Variants in KIF13A observed in about 807,000 individuals in gnomAD.
The protein encoded by KIF13A is kinesin-like protein KIF13A.
Under a neutral mutation model 212.2 loss-of-function variants are expected in KIF13A, and 79 were observed. The observed-to-expected ratio is 0.37, with a 90% CI of 0.31 to 0.45. The LOEUF (loss-of-function observed/expected upper bound fraction) is 0.45. Among genes scored for constraint, KIF13A ranks in the 20% least tolerant of loss-of-function variants. The pLI is 1.00. For missense variants in KIF13A, 1,901 were observed against 2,209.0 expected (o/e 0.86, Z 2.79); for synonymous variants, 789 against 808.6 (o/e 0.98, Z 0.41).
intron 2 of KIF13A, among the ~76,000 whole-genome samples, chr6:17,969,490 AT>A (rs1779616886): frequency 6.6e-6 from 1 of 152,200 alleles, no homozygotes; most frequent in African/African-American, 2.4e-5. Context: ...GTCGTAAATG[AT>A]TTCTGAGGAA....
intron 2 of KIF13A, among the ~76,000 whole-genome samples, chr6:17,966,915 A>G (rs1225068965): frequency 1.3e-5 from 2 of 152,194 alleles, no homozygotes; most frequent in Non-Finnish European, 2.9e-5. Flanking sequence ...CGTGCCCAAA[A>G]TCACCCAGCT....
Position 17,982,601 on chromosome 6 carries a change from G to A in KIF13A, c.146+4453C>T, listed in dbSNP as rs886647548. On this transcript the variant is annotated intron_variant, in intron 2 of 38. Coordinates refer to ENST00000259711, the MANE Select transcript of KIF13A (RefSeq NM_022113.6). The surrounding 1 kb of genome is among the most constrained non-coding windows in gnomAD (Gnocchi z 5.1). ...AAACTTTCATGCTCTTCTACCGAGA[G>A]CCCATATTTAGCCCAACATTTTATT... is the stretch of plus-strand genomic sequence containing the variant. Among the ~76,000 whole-genome samples, 2 of 152,232 alleles carry A rather than the reference G, an allele frequency of 1.3e-5. No individual in the cohort carries two copies. Among genetic ancestry groups the A allele is most frequent in the East Asian group, 3.9e-4 (2 of 5,188 alleles).
At chr6:17,973,184 T>C (rs777112337) in intron 2 of KIF13A, among the ~76,000 whole-genome samples, 1 of 152,236 alleles carries the variant, frequency 6.6e-6, no homozygotes, top group East Asian at 1.9e-4. Flanking sequence ...CCCACACATA[T>C]ATACACTTGT....
In KIF13A at chr6:17,864,794, A is replaced by G. The variant is rs112029901; in HGVS notation, c.220+8583T>C. ...TTATAGTCATTGTACCCAGCCTGAC[A>G]GAGATCTTTGAAAAGCTAACACCCT... is the stretch of plus-strand genomic sequence containing the variant. On this transcript the variant is annotated intron_variant, in intron 4 of 38. Transcript: ENST00000259711. Among the ~76,000 whole-genome samples the G allele has an allele frequency of 1.5e-4, 23 of 152,326 alleles. 1 individual carries two copies. The highest frequency in any genetic ancestry group is 3.4e-3 in the Middle Eastern group (1 of 294).
intron 2 of KIF13A, among the ~76,000 whole-genome samples, chr6:17,941,145 C>A (rs1236114173): frequency 6.6e-6 from 1 of 152,158 alleles, no homozygotes; most frequent in Non-Finnish European, 1.5e-5. Flanking sequence ...AATTCTAAAT[C>A]ATCAAAGAAG....
chr6:17,859,851 G>A (rs889194895), intron 4 of KIF13A, among the ~76,000 whole-genome samples: 1 of 151,770 alleles, frequency 6.6e-6, no homozygotes, highest in African/African-American at 2.4e-5. Flanking sequence ...TGGCCAGGCT[G>A]GTCTCGAACT....
At chr6:17,937,932 A>G (rs1776621213) in intron 2 of KIF13A, among the ~76,000 whole-genome samples, 1 of 152,064 alleles carries the variant, frequency 6.6e-6, no homozygotes, top group South Asian at 2.1e-4. Flanking sequence ...TATTTTTAGT[A>G]GAGATGAAGT....
In KIF13A at chr6:17,898,192, GA is replaced by G. The variant is rs538977848; in HGVS notation, c.147-13del. Reference sequence around the variant, plus strand: ...CCTTGGGAGGTTTCCTTAATGATGGGAAAAAAAAAATTCAGCAGCAGGGATA... The same window carrying G: ...CCTTGGGAGGTTTCCTTAATGATGGGAAAAAAAAATTCAGCAGCAGGGATA... On this transcript the variant is annotated splice_polypyrimidine_tract_variant and intron_variant, in intron 2 of 38. Transcript: ENST00000259711. This position sits in a 1 kb window ranked among gnomAD's most constrained non-coding sequence, Gnocchi z 5.2. 8.3e-4 allele frequency: 1,270 copies of G among 1,531,036 alleles called. 1 individual carries two copies. The highest frequency in any genetic ancestry group is 4.1e-3 in the South Asian group (342 of 84,288). The allele number at this position is 1,531,036 out of a possible 1,614,324, so 94.8% of individuals were successfully genotyped here.
chr6:17,805,370 C>CGTGTGTGT (rs59526903), intron 19 of KIF13A, 105 bp downstream of exon 19: 21,867 of 732,318 alleles, frequency 0.03, 233 homozygotes, highest in East Asian at 0.065. Context: ...AGCACATCTC[C>CGTGTGTGT]GTGTGTGTGT....
intron 4 of KIF13A, among the ~76,000 whole-genome samples, chr6:17,867,750 G>C (rs1299319210): frequency 6.6e-6 from 1 of 152,186 alleles, no homozygotes; most frequent in Non-Finnish European, 1.5e-5. Context: ...TAATATTGTA[G>C]AACTCAGCTA....
chr6:17,919,234 TAACATCACAA>T lies in KIF13A; in HGVS notation c.147-21064_147-21055del, dbSNP rs1434289897. ...CGAATGGAATGTGAACAGCATCACA[TAACATCACAA>T]AACATCACAGCACATCACAAAACAG... is the stretch of plus-strand genomic sequence containing the variant. On this transcript the variant is annotated intron_variant, in intron 2 of 38. Coordinates refer to ENST00000259711, the MANE Select transcript of KIF13A (RefSeq NM_022113.6). The surrounding 1 kb of genome is among the most constrained non-coding windows in gnomAD (Gnocchi z 4.1). Among the ~76,000 whole-genome samples the T allele has an allele frequency of 1.3e-5, 2 of 152,164 alleles. No homozygotes were observed. Among genetic ancestry groups the T allele is most frequent in the African/African-American group, 4.8e-5 (2 of 41,442 alleles).
chr6:17,891,709 T>C (rs114763268), intron 3 of KIF13A, among the ~76,000 whole-genome samples: 1,710 of 152,164 alleles, frequency 0.011, 38 homozygotes, highest in African/African-American at 0.039. Context: ...AGTTTGACGA[T>C]GCAGTGAGCT....
chr6:17,793,440 C>T (rs913778417), intron 25 of KIF13A, among the ~76,000 whole-genome samples: 1 of 151,880 alleles, frequency 6.6e-6, no homozygotes, highest in African/African-American at 2.4e-5. Flanking sequence ...ACTGATAATA[C>T]GATCAATTCT....
intron 12 of KIF13A, among the ~76,000 whole-genome samples, chr6:17,832,946 G>A (rs1327759520): frequency 4.7e-5 from 7 of 148,792 alleles, no homozygotes; most frequent in East Asian, 2.0e-4. Flanking sequence ...CCCAGGAGGC[G>A]GAGGTTGCAG....
At chr6:17,761,663 G>A (rs1405084646), downstream of KIF13A, among the ~76,000 whole-genome samples, 1 of 152,104 alleles carries the variant, frequency 6.6e-6, no homozygotes, top group African/African-American at 2.4e-5. Context: ...GATTACAGGT[G>A]TGAGCCACTG....
At position 17,785,385 on chromosome 6, in the gene KIF13A, TG is replaced by T; in HGVS notation, c.3488+129del. ...AAGGGATGGAAGCATTAGAGATGAG[TG>T]GACATTCCCTAAGTAGTTCAGCTGG... On this transcript the variant is annotated intron_variant, in intron 28 of 38. Transcript: ENST00000259711. The surrounding 1 kb of genome is among the most constrained non-coding windows in gnomAD (Gnocchi z 5.8). 1 of 1,027,926 alleles carries T rather than the reference TG, an allele frequency of 9.7e-7. No individual in the cohort carries two copies. The highest frequency in any genetic ancestry group is 1.3e-6 in the Non-Finnish European group (1 of 742,852). 63.7% of individuals were successfully genotyped at this position (1,027,926 alleles called of 1,614,324 possible). A position where few individuals can be genotyped will look rare whatever the true frequency, so the allele number is the denominator to read the frequency against.
At chr6:17,774,619 C>T (rs1205886059) in intron 35 of KIF13A, among the ~76,000 whole-genome samples, 4 of 152,004 alleles carry the variant, frequency 2.6e-5, no homozygotes, top group African/African-American at 9.7e-5. Context: ...ACTAAAAATA[C>T]AAAATTAGCC....
intron 20 of KIF13A, 98 bp downstream of exon 20, chr6:17,804,263 T>A: frequency 2.7e-6 from 3 of 1,101,844 alleles, no homozygotes; most frequent in Non-Finnish European, 3.7e-6. Flanking sequence ...AGTTTCTTGA[T>A]CCACCTCAAG....
In KIF13A at chr6:17,777,855, A is replaced by G. The variant is rs1224440408; in HGVS notation, c.4093-501T>C. Among the ~76,000 whole-genome samples the G allele has an allele frequency of 1.3e-5, 2 of 152,292 alleles. No homozygotes were observed. Among genetic ancestry groups the G allele is most frequent in the South Asian group, 2.1e-4 (1 of 4,826 alleles). ...CAAAAATATTTTTTTTAAGATAAATAAAACTGCAGGGTGTGGTGGTTCATG... is the reference window on the plus strand; with the variant it reads ...CAAAAATATTTTTTTTAAGATAAATGAAACTGCAGGGTGTGGTGGTTCATG... On this transcript the variant is annotated intron_variant, in intron 33 of 38. Transcript: ENST00000259711. The surrounding 1 kb of genome is among the most constrained non-coding windows in gnomAD (Gnocchi z 4.4).
Sources: allele counts gnomAD v4.1 joint callset (sites outside exome capture counted in the v4.1 genomes callset), GRCh38; gene constraint gnomAD v4.1.1; non-coding constraint Gnocchi (gnomAD v3.1); transcripts MANE v1.5; gene names NCBI Gene and HGNC (gene_info 2026-07-23, HGNC 2026-07-21).